PRRX2: variants seen among roughly 807,000 people sequenced by gnomAD.
The protein encoded by PRRX2 is paired related homeobox 2, also known as paired mesoderm homeobox protein 2.
A neutral mutation model predicts 18.0 loss-of-function variants in PRRX2; 11 were observed. The observed-to-expected ratio is 0.61, with a 90% CI of 0.39 to 1.01. The LOEUF is 1.01. PRRX2 is among the 50% of genes least tolerant of loss of function. PRRX2 has a pLI of 0.01. For missense variants in PRRX2, 387 were observed against 351.0 expected (o/e 1.10, Z -0.82); for synonymous variants, 177 against 154.8 (o/e 1.14, Z -1.06).
intron 1 of PRRX2, among the ~76,000 whole-genome samples, chr9:129,677,472 C>T (rs998780634): frequency 1.3e-5 from 2 of 152,316 alleles, no homozygotes; most frequent in South Asian, 2.1e-4. Context: ...CTGGGGGAGG[C>T]CCAGGAGGGA....
At position 129,701,915 on chromosome 9, in the gene PRRX2, A is replaced by G. The variant is rs188190647; in HGVS notation, c.260-17316A>G. Reference sequence around the variant, plus strand: ...GGAGTTGGAGACCAGCCTGGCCAACATGGTGAAACCCCATCCATACTAAAA... The same window carrying G: ...GGAGTTGGAGACCAGCCTGGCCAACGTGGTGAAACCCCATCCATACTAAAA... On this transcript the variant is annotated intron_variant, in intron 1 of 3. Coordinates refer to ENST00000372469, the MANE Select transcript of PRRX2 (RefSeq NM_016307.4). Among the ~76,000 whole-genome samples, 352 of 152,146 alleles carry G rather than the reference A, an allele frequency of 2.3e-3. 2 individuals are homozygous for G. The highest frequency in any genetic ancestry group is 8.1e-3 in the African/African-American group (336 of 41,508).
chr9:129,685,238 C>T (rs1297370210), intron 1 of PRRX2, among the ~76,000 whole-genome samples: 4 of 152,264 alleles, frequency 2.6e-5, no homozygotes, highest in Non-Finnish European at 5.9e-5. Flanking sequence ...CTACCAGTAG[C>T]AGCATCCCCC....
intron 1 of PRRX2, among the ~76,000 whole-genome samples, chr9:129,703,690 G>A (rs1832526981): frequency 6.6e-6 from 1 of 152,174 alleles, no homozygotes; most frequent in African/African-American, 2.4e-5. Context: ...AAAAAATTAA[G>A]GGTGTGGAAG....
At position 129,675,399 on chromosome 9, in the gene PRRX2, T is replaced by C. The variant is rs954966356; in HGVS notation, c.259+9273T>C. On this transcript the variant is annotated intron_variant, in intron 1 of 3. Transcript: ENST00000372469. This position sits in a 1 kb window ranked among gnomAD's most constrained non-coding sequence, Gnocchi z 4.4. ...CCAGCATCCTGACCCCCTCTAGCTTTGGTGGCCAGGGTTGGGGTGTAGGAG... is the reference window on the plus strand; with the variant it reads ...CCAGCATCCTGACCCCCTCTAGCTTCGGTGGCCAGGGTTGGGGTGTAGGAG... Among the ~76,000 whole-genome samples the C allele has an allele frequency of 2.6e-5, 4 of 152,162 alleles. No individual in the cohort carries two copies. Among genetic ancestry groups the C allele is most frequent in the African/African-American group, 9.7e-5 (4 of 41,428 alleles).
At position 129,678,712 on chromosome 9, in the gene PRRX2, T is replaced by C. The variant is rs77691514; in HGVS notation, c.259+12586T>C. 2.0e-3 allele frequency among the ~76,000 whole-genome samples: 307 copies of C among 152,258 alleles called. 6 individuals carry two copies. The East Asian group carries it at 0.048, about 24-fold the overall frequency. ...TCTGGCAGACCTTGTTTGAGGTGTGTGACTTTTGTGTTAAGAGCAGTGGGG... is the reference window on the plus strand; with the variant it reads ...TCTGGCAGACCTTGTTTGAGGTGTGCGACTTTTGTGTTAAGAGCAGTGGGG... On this transcript the variant is annotated intron_variant, in intron 1 of 3. Transcript: ENST00000372469.
At chr9:129,673,982 G>A (rs1421845333) in intron 1 of PRRX2, among the ~76,000 whole-genome samples, 2 of 152,124 alleles carry the variant, frequency 1.3e-5, no homozygotes, top group Non-Finnish European at 2.9e-5. Context: ...AGGGGGGCAG[G>A]TGGCAGAGCA....
At chr9:129,681,107 G>A (rs1484910680) in intron 1 of PRRX2, among the ~76,000 whole-genome samples, 2 of 152,236 alleles carry the variant, frequency 1.3e-5, no homozygotes, top group East Asian at 3.8e-4. Context: ...CACACTCTGA[G>A]CCAGTCCCCG....
chr9:129,676,799 C>T (rs574377807), intron 1 of PRRX2, among the ~76,000 whole-genome samples: 13 of 152,302 alleles, frequency 8.5e-5, no homozygotes, highest in African/African-American at 2.9e-4. Context: ...GAAGCCGAAG[C>T]GTGATGCCCC....
intron 1 of PRRX2, 49 bp downstream of exon 1, chr9:129,666,175 CG>C (rs1832019067): frequency 1.2e-6 from 1 of 830,640 alleles, no homozygotes; most frequent in Non-Finnish European, 1.4e-6. Flanking sequence ...GGGCCGGGGC[CG>C]GGGCCGGGGC....
chr9:129,684,524 C>CACACACACACACACA lies in PRRX2; in HGVS notation c.259+18398_259+18399insACACACACACACACA, dbSNP rs1564147490. On this transcript the variant is annotated intron_variant, in intron 1 of 3. Transcript: ENST00000372469. Reference sequence around the variant, plus strand: ...CACACACACACACACACACACACACCCACACACACCCCAACAGAAAAGAGA... The same window carrying CACACACACACACACA: ...CACACACACACACACACACACACACCACACACACACACACACACACACACCCCAACAGAAAAGAGA... 7.3e-3 allele frequency among the ~76,000 whole-genome samples: 331 copies of CACACACACACACACA among 45,048 alleles called. 8 individuals are homozygous for CACACACACACACACA. The highest frequency in any genetic ancestry group is 0.014 in the African/African-American group (204 of 14,612). The allele number at this position is 45,048 out of a possible 152,430, so 29.6% of individuals were successfully genotyped here. A position where few individuals can be genotyped will look rare whatever the true frequency, so the allele number is the denominator to read the frequency against.
At chr9:129,699,373 G>A (rs1247342611) in intron 1 of PRRX2, among the ~76,000 whole-genome samples, 4 of 152,158 alleles carry the variant, frequency 2.6e-5, no homozygotes, top group South Asian at 4.2e-4. Flanking sequence ...GCAGTGAGCC[G>A]AGATCACGCC....
rs996566102 is a variant in PRRX2, at chr9:129,709,690, C to A, written c.260-9541C>A. Among the ~76,000 whole-genome samples, 1 of 152,180 alleles carries A rather than the reference C, an allele frequency of 6.6e-6. No homozygotes were observed. The highest frequency in any genetic ancestry group is 2.4e-5 in the African/African-American group (1 of 41,446). ...GCTGGTAGCTATAAAAATGTGTCAG[C>A]GTCACGGGTTTTTGTTCAAAATTAA... On this transcript the variant is annotated intron_variant, in intron 1 of 3. Transcript: ENST00000372469. The surrounding 1 kb of genome is among the most constrained non-coding windows in gnomAD (Gnocchi z 4.2).
chr9:129,688,664 C>T (rs751576447), intron 1 of PRRX2, among the ~76,000 whole-genome samples: 1 of 152,188 alleles, frequency 6.6e-6, no homozygotes, highest in Non-Finnish European at 1.5e-5. Flanking sequence ...ATGGCATGGG[C>T]CCCAAAGAGA....
Position 129,675,657 on chromosome 9 carries a change from T to C in PRRX2, c.259+9531T>C, listed in dbSNP as rs1214107638. Among the ~76,000 whole-genome samples the C allele has an allele frequency of 2.8e-5, 2 of 70,268 alleles. No individual in the cohort carries two copies. Among genetic ancestry groups the C allele is most frequent in the Non-Finnish European group, 5.6e-5 (2 of 35,974 alleles). 46.1% of individuals were successfully genotyped at this position (70,268 alleles called of 152,430 possible). A position where few individuals can be genotyped will look rare whatever the true frequency, so the allele number is the denominator to read the frequency against. On this transcript the variant is annotated intron_variant, in intron 1 of 3. Coordinates refer to ENST00000372469, the MANE Select transcript of PRRX2 (RefSeq NM_016307.4). This position sits in a 1 kb window ranked among gnomAD's most constrained non-coding sequence, Gnocchi z 4.4. The stretch of plus-strand genomic sequence containing the variant: ...TCCTCCCCCACTGCCGGTCTCCCCC[T>C]CGCTGGCCTCCCTTCTTGCCGTGGG...
chr9:129,678,984 C>T (rs182157658), intron 1 of PRRX2, among the ~76,000 whole-genome samples: 228 of 152,278 alleles, frequency 1.5e-3, no homozygotes, highest in Admixed American at 4.4e-3. Flanking sequence ...AAGCCCAGAT[C>T]CTCAGCCAGG....
intron 1 of PRRX2, among the ~76,000 whole-genome samples, chr9:129,681,358 A>G (rs911042972): frequency 3.9e-5 from 6 of 152,148 alleles, no homozygotes; most frequent in African/African-American, 1.4e-4. Flanking sequence ...CGTCTCTATT[A>G]AAAATACAAA....
At chr9:129,708,192 C>T (rs574706156) in intron 1 of PRRX2, among the ~76,000 whole-genome samples, 2 of 152,228 alleles carry the variant, frequency 1.3e-5, no homozygotes, top group South Asian at 2.1e-4. Flanking sequence ...CCTGCCACCA[C>T]GCCTGGCTAA....
intron 1 of PRRX2, among the ~76,000 whole-genome samples, chr9:129,672,600 T>TG (rs141429652): frequency 0.039 from 5,963 of 152,146 alleles, 197 homozygotes; most frequent in African/African-American, 0.09. Context: ...GGCCCGGGGT[T>TG]GGGGGGTTTC....
intron 1 of PRRX2, among the ~76,000 whole-genome samples, chr9:129,682,659 C>G (rs550242077): frequency 3.9e-5 from 6 of 152,174 alleles, no homozygotes; most frequent in Non-Finnish European, 8.8e-5. Context: ...CGCCCAATCC[C>G]GGAAACAGCT....
Sources: gnomAD v4.1 joint callset for allele counts (sites outside exome capture counted in the v4.1 genomes callset) on GRCh38, gnomAD v4.1.1 for gene constraint, Gnocchi (gnomAD v3.1) non-coding constraint, MANE v1.5 for transcripts, NCBI Gene and HGNC (gene_info 2026-07-23, HGNC 2026-07-21) for gene names.